The following RIT2 variants were observed in gnomAD, a reference collection of about 807,000 sequenced individuals.
RIT2 encodes Ras like without CAAX 2.
In RIT2, 24 loss-of-function variants were observed where a neutral mutation model predicts 23.7. That is an observed-to-expected ratio of 1.01 (90% CI 0.73 to 1.43). The LOEUF (loss-of-function observed/expected upper bound fraction) is 1.43, where lower values mean the gene tolerates loss of function less well. Among genes scored for constraint, RIT2 ranks in the 40% most tolerant of loss-of-function variants. The pLI, the probability that RIT2 is intolerant of heterozygous loss-of-function variation, is 0.00. For synonymous variants in RIT2, 107 were observed against 91.1 expected, an observed-to-expected ratio of 1.17 and a Z score of -0.99; for missense variants, 236 against 266.9, an observed-to-expected ratio of 0.88 and a Z score of 0.81.
chr18:42,995,625 T>G (rs1026561066), intron 2 of RIT2, among the ~76,000 whole-genome samples: 3 of 152,166 alleles, frequency 2.0e-5, no homozygotes, highest in African/African-American at 7.2e-5. Flanking sequence ...TACAACGGAC[T>G]AATGGTCTTT....
chr18:42,805,442 T>C lies in RIT2; in HGVS notation c.427-61722A>G, dbSNP rs115735537. Among the ~76,000 whole-genome samples the C allele has an allele frequency of 4.7e-3, 712 of 152,332 alleles. 5 individuals are homozygous for C. Among genetic ancestry groups the C allele is most frequent in the African/African-American group, 0.016 (684 of 41,582 alleles). On this transcript the variant is annotated intron_variant, in intron 4 of 4. Transcript: ENST00000326695. ...TTTCAACAGCCTTTCCAAGTGATTA[T>C]GGATATTCTTTTTTGCTTTTGTACC...
At chr18:43,077,524 T>C (rs551700614) in intron 1 of RIT2, among the ~76,000 whole-genome samples, 1 of 152,308 alleles carries the variant, frequency 6.6e-6, no homozygotes, top group East Asian at 1.9e-4. Flanking sequence ...TGAAATCTTA[T>C]CTGTTTTTAT....
chr18:42,810,287 A>G (rs1444944645), intron 4 of RIT2, among the ~76,000 whole-genome samples: 1 of 151,856 alleles, frequency 6.6e-6, no homozygotes, highest in East Asian at 1.9e-4. Context: ...AACCCACAGA[A>G]AAGAAATCAT....
intron 2 of RIT2, among the ~76,000 whole-genome samples, chr18:42,986,505 T>C (rs1317819256): frequency 6.6e-6 from 1 of 151,968 alleles, no homozygotes; most frequent in African/African-American, 2.4e-5. Context: ...TGCATTTTAT[T>C]TATTTATTTA....
intron 4 of RIT2, among the ~76,000 whole-genome samples, chr18:42,751,295 T>G (rs1214695904): frequency 7.2e-5 from 11 of 151,884 alleles, no homozygotes; most frequent in Admixed American, 2.0e-4. Context: ...TTTAGCTAAA[T>G]CCATAAATTC....
chr18:42,986,424 G>C (rs1164784914), intron 2 of RIT2, among the ~76,000 whole-genome samples: 1 of 152,056 alleles, frequency 6.6e-6, no homozygotes, highest in Non-Finnish European at 1.5e-5. Flanking sequence ...CTTTCTTTTT[G>C]GTTGTTGGGG....
At chr18:43,086,226 G>C (rs1913279614) in intron 1 of RIT2, among the ~76,000 whole-genome samples, 1 of 152,104 alleles carries the variant, frequency 6.6e-6, no homozygotes, top group Admixed American at 6.6e-5. Context: ...CACTCAAAAA[G>C]TTTTAGAGTT....
At chr18:42,822,402 T>A (rs141800507) in intron 4 of RIT2, among the ~76,000 whole-genome samples, 35 of 152,252 alleles carry the variant, frequency 2.3e-4, no homozygotes, top group African/African-American at 8.2e-4. Flanking sequence ...TGAAGAAAAC[T>A]TATGCACATG....
chr18:43,025,269 A>G (rs1911689214), intron 2 of RIT2, among the ~76,000 whole-genome samples: 1 of 151,860 alleles, frequency 6.6e-6, no homozygotes, highest in Non-Finnish European at 1.5e-5. Flanking sequence ...ATAGGCAAAT[A>G]GCAGATCTTG....
chr18:42,845,329 G>C (rs1345933249), intron 4 of RIT2, among the ~76,000 whole-genome samples: 1 of 151,718 alleles, frequency 6.6e-6, no homozygotes, highest in Admixed American at 6.6e-5. Context: ...GGTCAAATAT[G>C]TTTCCAAATG....
chr18:43,104,395 T>C (rs1415826364), intron 1 of RIT2, among the ~76,000 whole-genome samples: 1 of 152,186 alleles, frequency 6.6e-6, no homozygotes, highest in African/African-American at 2.4e-5. Context: ...CTATAATTTA[T>C]TGTGTATTTT....
chr18:42,992,218 A>G (rs1421256420), intron 2 of RIT2, among the ~76,000 whole-genome samples: 4 of 152,152 alleles, frequency 2.6e-5, no homozygotes, highest in South Asian at 4.2e-4. Flanking sequence ...CACGTGACCT[A>G]AAACCTAAAT....
chr18:42,904,449 G>A (rs1177565638), intron 4 of RIT2, among the ~76,000 whole-genome samples: 3 of 152,120 alleles, frequency 2.0e-5, no homozygotes, highest in Admixed American at 6.6e-5. Flanking sequence ...TCCCAGAGAG[G>A]GGCATGAGAG....
rs776728832 is a variant in RIT2 at position 43,033,851 on chromosome 18, A to C, written c.120T>G (p.Phe40Leu). Residue 40 changes from phenylalanine (F) to leucine (L), a missense_variant, in exon 2 of 5, where the codon TTT (phenylalanine) becomes TTG (leucine). By Grantham distance (22) the Phe-to-Leu change is conservative (BLOSUM62 0). Transcript: ENST00000326695. ...GVGKSAMTMQFISHQFPDYHD... is the reference protein window; with the variant it reads ...GVGKSAMTMQLISHQFPDYHD... Reference sequence around the variant, plus strand: ...GATAATCAGGGAACTGATGACTAATAAACTGCATTGTCATTGCTGAAAGAA... The same window carrying C: ...GATAATCAGGGAACTGATGACTAATCAACTGCATTGTCATTGCTGAAAGAA... 6.2e-7 allele frequency: 1 copy of C among 1,607,464 alleles called. No homozygotes were observed. Among genetic ancestry groups the C allele is most frequent in the Admixed American group, 1.7e-5 (1 of 59,636 alleles).
At chr18:42,777,304 AAG>A (rs201818203) in intron 4 of RIT2, among the ~76,000 whole-genome samples, 8,435 of 151,680 alleles carry the variant, frequency 0.056, 296 homozygotes, top group Middle Eastern at 0.096. Context: ...AAAAAAAAGA[AAG>A]AGAGAAACAG....
In RIT2 at chr18:42,923,694, T is replaced by G; in HGVS notation, c.304A>C (p.Thr102Pro). 1 of 1,612,856 alleles carries G rather than the reference T, an allele frequency of 6.2e-7. No homozygotes were observed. Among genetic ancestry groups the G allele is most frequent in the Non-Finnish European group, 8.5e-7 (1 of 1,179,624 alleles). The change falls in exon 4 of 5, where the codon ACT (threonine) becomes CCT (proline). Residue 102 changes from threonine (T) to proline (P), a missense_variant. Transcript: ENST00000326695. ...GCCTCCTGAAATGATTGACGGTCAGTGACGGAGTAGCAGATGATGAAGCCT... is the reference window on the plus strand; with the variant it reads ...GCCTCCTGAAATGATTGACGGTCAGGGACGGAGTAGCAGATGATGAAGCCT... ...GEGFIICYSV[T>P]DRQSFQEAAK...
intron 2 of RIT2, 36 bp downstream of exon 2, chr18:43,033,775 T>C (rs563155930): frequency 1.4e-6 from 2 of 1,453,190 alleles, no homozygotes; most frequent in Non-Finnish European, 1.9e-6. Flanking sequence ...ACAGTGTCTT[T>C]ATTTGAGCTT....
intron 4 of RIT2, among the ~76,000 whole-genome samples, chr18:42,798,501 T>G (rs1905436582): frequency 6.6e-6 from 1 of 152,248 alleles, no homozygotes; most frequent in African/African-American, 2.4e-5. Context: ...TCCCTCCTAA[T>G]GTCTATTGAG....
intron 4 of RIT2, among the ~76,000 whole-genome samples, chr18:42,899,022 T>C (rs1908405624): frequency 6.6e-6 from 1 of 152,084 alleles, no homozygotes; most frequent in African/African-American, 2.4e-5. Flanking sequence ...AATTAATACT[T>C]TTTAAATAAA....
Sources: gnomAD v4.1 joint callset for allele counts (sites outside exome capture counted in the v4.1 genomes callset) on GRCh38, gnomAD v4.1.1 for gene constraint, MANE v1.5 for transcripts, NCBI Gene and HGNC (gene_info 2026-07-23, HGNC 2026-07-21) for gene names.